The following GRK3 variants were observed in gnomAD, a reference collection of about 807,000 sequenced individuals.
GRK3 encodes the protein G protein-coupled receptor kinase 3, also known as adrenergic, beta, receptor kinase 2.
GRK3 carries 54 observed loss-of-function variants against 95.7 expected under a neutral mutation model. That is an observed-to-expected ratio of 0.56 (90% CI 0.45 to 0.71). GRK3 has a LOEUF of 0.71. Ranked by LOEUF, GRK3 falls within the 30% of genes least tolerant of loss-of-function variation. The pLI, the probability that GRK3 is intolerant of heterozygous loss-of-function variation, is 0.00. For missense variants in GRK3, 649 were observed against 851.2 expected, an observed-to-expected ratio of 0.76 and a Z score of 2.96; for synonymous variants, 281 against 290.8, an observed-to-expected ratio of 0.97 and a Z score of 0.34.
chr22:25,725,386 AC>A lies in GRK3; in HGVS notation c.*2937del. On this transcript the variant is annotated 3_prime_UTR_variant, in exon 21 of 21. Coordinates refer to ENST00000324198, the MANE Select transcript of GRK3 (RefSeq NM_005160.4). ...CAATAAAGCCTAAAAATAATAGATT[AC>A]TTTAAGCTGCTATGTAAGATATATA... 2.5e-6 allele frequency: 1 copy of A among 395,638 alleles called. No homozygotes were observed. The highest frequency in any genetic ancestry group is 4.4e-6 in the Non-Finnish European group (1 of 224,784). The allele number at this position is 395,638 out of a possible 1,614,324, so 24.5% of individuals were successfully genotyped here. A position where few individuals can be genotyped will look rare whatever the true frequency, so the allele number is the denominator to read the frequency against.
intron 8 of GRK3, among the ~76,000 whole-genome samples, chr22:25,677,464 G>A (rs191643604): frequency 6.7e-4 from 101 of 150,112 alleles, no homozygotes; most frequent in African/African-American, 2.2e-3. Flanking sequence ...TAGAGGTAGT[G>A]TAAAACATTT....
intron 1 of GRK3, among the ~76,000 whole-genome samples, chr22:25,584,438 T>A (rs1932217430): frequency 4.6e-5 from 7 of 152,238 alleles, no homozygotes; most frequent in Admixed American, 4.6e-4. Flanking sequence ...TTTGTAACCC[T>A]TATTTTATTG....
chr22:25,578,830 C>T (rs945843671), intron 1 of GRK3, among the ~76,000 whole-genome samples: 8 of 152,126 alleles, frequency 5.3e-5, no homozygotes, highest in Non-Finnish European at 8.8e-5. Flanking sequence ...CATTTCAGAC[C>T]TCTGACCTGC....
intron 3 of GRK3, among the ~76,000 whole-genome samples, chr22:25,651,868 GTC>G (rs1459875550): frequency 1.3e-5 from 2 of 151,992 alleles, no homozygotes; most frequent in Non-Finnish European, 2.9e-5. Flanking sequence ...ACAGCTTTTC[GTC>G]TTCAGTGTCT....
intron 1 of GRK3, among the ~76,000 whole-genome samples, chr22:25,568,401 C>T (rs1190202862): frequency 6.6e-6 from 1 of 151,964 alleles, no homozygotes; most frequent in East Asian, 1.9e-4. Flanking sequence ...TCATCTTTCC[C>T]CTGGAGTCTT....
chr22:25,620,006 T>TTGTGTGTGTG lies in GRK3; in HGVS notation c.190+15596_190+15605dup, dbSNP rs56260834. ...TTACTCTTCCTTTCCTTTGTCTTTTTTGTGTGTGTGTGTGTGTGTGTGTGT... is the reference window on the plus strand; with the variant it reads ...TTACTCTTCCTTTCCTTTGTCTTTTTTGTGTGTGTGTGTGTGTGTGTGTGTGTGTGTGTGT... On this transcript the variant is annotated intron_variant, in intron 2 of 20. Transcript: ENST00000324198. Among the ~76,000 whole-genome samples, 419 of 90,288 alleles carry TTGTGTGTGTG rather than the reference T, an allele frequency of 4.6e-3. 3 individuals carry two copies. Among genetic ancestry groups the TTGTGTGTGTG allele is most frequent in the Middle Eastern group, 5.7e-3 (1 of 174 alleles). 59.2% of individuals were successfully genotyped at this position (90,288 alleles called of 152,430 possible).
At chr22:25,710,993 C>A in intron 16 of GRK3, 75 bp from the exon 17 acceptor site, 1 of 837,722 alleles carries the variant, frequency 1.2e-6, no homozygotes, top group Non-Finnish European at 1.9e-6. Flanking sequence ...ACTGTGCTGT[C>A]TTTGTAGAAT....
At position 25,670,881 on chromosome 22, in the gene GRK3, CAAA is replaced by C. The variant is rs71191074; in HGVS notation, c.504-1394_504-1392del. 8.5e-4 allele frequency among the ~76,000 whole-genome samples: 56 copies of C among 65,688 alleles called. No individual in the cohort carries two copies. In the South Asian group the frequency reaches 0.025, roughly 29 times the overall value. The allele number at this position is 65,688 out of a possible 152,430, so 43.1% of individuals were successfully genotyped here. ...TGAAACCCCATCTCTACTAAAAATA[CAAA>C]AAAAAAAAAAAAAAAAAAAATTAGC... On this transcript the variant is annotated intron_variant, in intron 6 of 20. Coordinates refer to ENST00000324198, the MANE Select transcript of GRK3 (RefSeq NM_005160.4).
chr22:25,685,470 G>C (rs553770383), intron 10 of GRK3, among the ~76,000 whole-genome samples: 1 of 152,254 alleles, frequency 6.6e-6, no homozygotes, highest in East Asian at 1.9e-4. Context: ...CCCAAGAAAA[G>C]ATTCTAGAAA....
chr22:25,673,125 G>T (rs2084998015), intron 7 of GRK3, among the ~76,000 whole-genome samples: 1 of 149,550 alleles, frequency 6.7e-6, no homozygotes, highest in Non-Finnish European at 1.5e-5. Flanking sequence ...GTAGTGGCGC[G>T]ATCTCTGCTC....
intron 6 of GRK3, among the ~76,000 whole-genome samples, chr22:25,670,530 T>C (rs1238423517): frequency 6.6e-6 from 1 of 151,802 alleles, no homozygotes; most frequent in Non-Finnish European, 1.5e-5. Context: ...GTAAAGCTCA[T>C]TAAATGAAGC....
chr22:25,607,792 GC>G (rs2084463570), intron 2 of GRK3, among the ~76,000 whole-genome samples: 1 of 151,582 alleles, frequency 6.6e-6, no homozygotes, highest in African/African-American at 2.4e-5. Flanking sequence ...TGTTGGCCAG[GC>G]TGGTCTCAAA....
At chr22:25,595,934 G>A (rs1361659906) in intron 1 of GRK3, among the ~76,000 whole-genome samples, 1 of 152,120 alleles carries the variant, frequency 6.6e-6, no homozygotes, top group African/African-American at 2.4e-5. Flanking sequence ...ATGACAGAGC[G>A]AGACCCGCTT....
intron 1 of GRK3, among the ~76,000 whole-genome samples, chr22:25,597,291 G>A (rs1409626146): frequency 6.6e-6 from 1 of 152,142 alleles, no homozygotes; most frequent in Non-Finnish European, 1.5e-5. Context: ...AGAAAGTTGG[G>A]AAGGGTAGGA....
intron 1 of GRK3, among the ~76,000 whole-genome samples, chr22:25,581,561 G>C (rs893455526): frequency 1.3e-5 from 2 of 152,042 alleles, no homozygotes; most frequent in Non-Finnish European, 2.9e-5. Context: ...TAAGAGGCTC[G>C]TTTGCAACCT....
chr22:25,619,923 G>T (rs2084568651), intron 2 of GRK3, among the ~76,000 whole-genome samples: 1 of 151,648 alleles, frequency 6.6e-6, no homozygotes. Context: ...CACAGAAAGT[G>T]GTTCCCTCTC....
intron 1 of GRK3, among the ~76,000 whole-genome samples, chr22:25,597,003 C>T (rs1245333470): frequency 6.6e-6 from 1 of 152,176 alleles, no homozygotes; most frequent in Non-Finnish European, 1.5e-5. Context: ...TTCCTTTCCT[C>T]CTTCTCCCTG....
intron 12 of GRK3, among the ~76,000 whole-genome samples, chr22:25,690,679 T>C (rs1421517544): frequency 6.6e-6 from 1 of 152,150 alleles, no homozygotes; most frequent in Non-Finnish European, 1.5e-5. Flanking sequence ...CCGGGGCAGC[T>C]GCGTGGATGT....
At chr22:25,711,287 C>A in intron 17 of GRK3, 124 bp downstream of exon 17, 1 of 523,092 alleles carries the variant, frequency 1.9e-6, no homozygotes, top group Non-Finnish European at 3.3e-6. Flanking sequence ...AAATGAGTAT[C>A]AACATATTTG....
Sources: allele counts gnomAD v4.1 joint callset (sites outside exome capture counted in the v4.1 genomes callset), GRCh38; gene constraint gnomAD v4.1.1; transcripts MANE v1.5; gene names NCBI Gene and HGNC (gene_info 2026-07-23, HGNC 2026-07-21).